The following HERC4 variants were observed in gnomAD, a reference collection of about 807,000 sequenced individuals.
The protein encoded by HERC4 is probable E3 ubiquitin-protein ligase HERC4.
A neutral mutation model predicts 124.3 loss-of-function variants in HERC4; 28 were observed. The observed-to-expected ratio is 0.23, with a 90% CI of 0.17 to 0.31. The LOEUF (loss-of-function observed/expected upper bound fraction) is 0.31. HERC4 is among the 10% of genes least tolerant of loss of function. The probability of loss-of-function intolerance (pLI) is 1.00; values close to 1 mark genes in which losing one functional copy is unlikely to be tolerated. For missense variants in HERC4, 713 were observed against 1,229.3 expected, an observed-to-expected ratio of 0.58 and a Z score of 6.28; for synonymous variants, 407 against 421.5, an observed-to-expected ratio of 0.97 and a Z score of 0.42.
At chr10:68,034,319 T>C (rs1303503973) in intron 5 of HERC4, 133 bp from the exon 6 acceptor site, 2 of 665,218 alleles carry the variant, frequency 3.0e-6, no homozygotes, top group East Asian at 2.7e-5. Context: ...CAAAAGAATA[T>C]AAATATTATT....
intron 13 of HERC4, 34 bp downstream of exon 13, chr10:67,990,870 A>T (rs181918023): frequency 3.1e-5 from 42 of 1,376,476 alleles, no homozygotes; most frequent in Non-Finnish European, 3.4e-5. Context: ...AAATCAACAG[A>T]TAATACTGTA....
intron 9 of HERC4, chr10:68,008,160 C>G (rs527859988): frequency 2.0e-5 from 3 of 152,298 alleles, no homozygotes; most frequent in Middle Eastern, 3.4e-3. Context: ...CCCTCTCACT[C>G]TCTCTCTCTG....
chr10:68,065,629 T>G (rs1348394737), intron 3 of HERC4, among the ~76,000 whole-genome samples: 1 of 152,078 alleles, frequency 6.6e-6, no homozygotes, highest in African/African-American at 2.4e-5. Flanking sequence ...TCCCAGCACT[T>G]TGGGAGTCTG....
At chr10:67,983,136 G>A (rs145788604) in intron 15 of HERC4, among the ~76,000 whole-genome samples, 1 of 149,824 alleles carries the variant, frequency 6.7e-6, no homozygotes, top group East Asian at 2.0e-4. Flanking sequence ...CAATACCACC[G>A]AACACCAGTG....
intron 9 of HERC4, among the ~76,000 whole-genome samples, chr10:67,998,078 T>C (rs966883229): frequency 1.3e-5 from 2 of 151,848 alleles, no homozygotes; most frequent in Non-Finnish European, 2.9e-5. Context: ...TTTGTATTTT[T>C]AGTAGAGAGG....
intron 22 of HERC4, among the ~76,000 whole-genome samples, chr10:67,934,894 G>A (rs1298250813): frequency 1.4e-5 from 2 of 143,840 alleles, no homozygotes; most frequent in African/African-American, 2.6e-5. Flanking sequence ...GATGTCATTC[G>A]TTTCTGGGAA....
chr10:67,934,069 T>C (rs1589125018), intron 22 of HERC4, among the ~76,000 whole-genome samples: 1 of 152,196 alleles, frequency 6.6e-6, no homozygotes, highest in South Asian at 2.1e-4. Flanking sequence ...CTTTTTGCTA[T>C]TCCTTCTGAT....
intron 9 of HERC4, among the ~76,000 whole-genome samples, chr10:68,000,528 A>T (rs2037166544): frequency 6.6e-6 from 1 of 151,896 alleles, no homozygotes; most frequent in Non-Finnish European, 1.5e-5. Context: ...GCAGTGAGCC[A>T]AGGTCATGCC....
At chr10:67,965,472 C>T (rs535062409) in intron 16 of HERC4, 3 of 152,260 alleles carry the variant, frequency 2.0e-5, no homozygotes, top group Admixed American at 6.5e-5. Context: ...TGGCTATAAA[C>T]CTGACCCAGC....
chr10:67,997,040 G>A (rs905417141), intron 9 of HERC4, among the ~76,000 whole-genome samples: 4 of 151,770 alleles, frequency 2.6e-5, no homozygotes, highest in African/African-American at 7.3e-5. Flanking sequence ...AACCCTCTGA[G>A]ATAGAAATAC....
At chr10:67,930,257 G>A (rs1431593400) in intron 23 of HERC4, among the ~76,000 whole-genome samples, 1 of 151,886 alleles carries the variant, frequency 6.6e-6, no homozygotes, top group Non-Finnish European at 1.5e-5. Flanking sequence ...AAAAATTAAG[G>A]CAAAACACAC....
At chr10:68,025,445 T>C (rs1028852530) in intron 8 of HERC4, 101 bp downstream of exon 8, 47 of 1,317,390 alleles carry the variant, frequency 3.6e-5, no homozygotes, top group Non-Finnish European at 4.6e-5. Context: ...GGGGGCAGAA[T>C]GTGTTTCCTC....
At chr10:68,062,754 C>T (rs1235138239) in intron 3 of HERC4, among the ~76,000 whole-genome samples, 1 of 151,414 alleles carries the variant, frequency 6.6e-6, no homozygotes, top group Non-Finnish European at 1.5e-5. Flanking sequence ...AATGAGACTC[C>T]ATCTCAAAAA....
intron 3 of HERC4, among the ~76,000 whole-genome samples, chr10:68,064,584 G>A: frequency 1.4e-5 from 2 of 147,910 alleles, no homozygotes; most frequent in Non-Finnish European, 1.5e-5. Flanking sequence ...AAAAGAGAGA[G>A]AGAGAAAAAA....
intron 15 of HERC4, among the ~76,000 whole-genome samples, chr10:67,968,518 G>A (rs962055761): frequency 1.5e-4 from 22 of 151,610 alleles, no homozygotes; most frequent in African/African-American, 5.1e-4. Flanking sequence ...GACTACAGGC[G>A]CCCACCACCA....
chr10:67,969,472 G>A (rs575209102), intron 15 of HERC4, among the ~76,000 whole-genome samples: 1 of 151,856 alleles, frequency 6.6e-6, no homozygotes, highest in Non-Finnish European at 1.5e-5. Flanking sequence ...GCAGAGGGGG[G>A]GAAAAAAGGA....
At chr10:67,937,828 C>A (rs1432151746) in intron 21 of HERC4, among the ~76,000 whole-genome samples, 1 of 151,616 alleles carries the variant, frequency 6.6e-6, no homozygotes, top group Admixed American at 6.6e-5. Context: ...ACTACAGGTA[C>A]GTGCCACCAT....
At chr10:67,971,806 A>G (rs2035251067) in intron 15 of HERC4, among the ~76,000 whole-genome samples, 1 of 152,210 alleles carries the variant, frequency 6.6e-6, no homozygotes, top group Non-Finnish European at 1.5e-5. Flanking sequence ...ATATGCCAAG[A>G]AAATAACATG....
Position 68,032,832 on chromosome 10 carries a change from A to C in HERC4, c.723T>G (p.Ser241=). 1 of 1,579,774 alleles carries C rather than the reference A, an allele frequency of 6.3e-7. No individual in the cohort carries two copies. The highest frequency in any genetic ancestry group is 8.7e-7 in the Non-Finnish European group (1 of 1,148,974). ...CACAACAAATATAAACTATTTTCTG[A>C]GATCTTAGTGACTTTAGTAAATTAG... The part of the protein sequence containing the change: ...YVPNLLKSLR[S]QKIVYICCGE... Residue 241 remains serine (S), a synonymous_variant, in exon 7 of 25, where the codon TCT becomes TCG. Transcript: ENST00000373700.
Sources: gnomAD v4.1 joint callset for allele counts (sites outside exome capture counted in the v4.1 genomes callset) on GRCh38, gnomAD v4.1.1 for gene constraint, MANE v1.5 for transcripts, NCBI Gene and HGNC (gene_info 2026-07-23, HGNC 2026-07-21) for gene names.